PMEL: variants seen among roughly 807,000 people sequenced by gnomAD.
The protein encoded by PMEL is premelanosome protein, also known as melanocyte protein PMEL.
In PMEL, 53 loss-of-function variants were observed where a neutral mutation model predicts 64.9. That is an observed-to-expected ratio of 0.82 (90% CI 0.66 to 1.03). PMEL has a LOEUF of 1.03. PMEL is among the 50% of genes least tolerant of loss of function. The pLI, the probability that PMEL is intolerant of heterozygous loss-of-function variation, is 0.00. For synonymous variants in PMEL, 299 were observed against 316.2 expected, an observed-to-expected ratio of 0.95 and a Z score of 0.58; for missense variants, 716 against 814.9, an observed-to-expected ratio of 0.88 and a Z score of 1.48.
At chr12:55,963,152 G>A (rs1017522540) in intron 1 of PMEL, among the ~76,000 whole-genome samples, 23 of 150,026 alleles carry the variant, frequency 1.5e-4, no homozygotes, top group East Asian at 2.0e-4. Context: ...GCAAGACTCC[G>A]TCTCAAAAAA....
intron 4 of PMEL, 76 bp downstream of exon 4, chr12:55,958,397 C>T (rs61956436): frequency 0.011 from 15,734 of 1,429,838 alleles, 130 homozygotes; most frequent in Non-Finnish European, 0.014. Context: ...GTGGAAGGGG[C>T]GGCCAAAAGA....
chr12:55,958,788 A>T (rs1592769659), intron 3 of PMEL, 181 bp from the exon 4 acceptor site: 1 of 519,210 alleles, frequency 1.9e-6, no homozygotes, highest in East Asian at 3.5e-5. Flanking sequence ...TGGAAACTAC[A>T]TTTTTTTTTT....
At chr12:55,962,114 G>A (rs2136447470) in intron 1 of PMEL, among the ~76,000 whole-genome samples, 1 of 152,050 alleles carries the variant, frequency 6.6e-6, no homozygotes, top group Middle Eastern at 3.4e-3. Context: ...GGGATTACAG[G>A]CGTGAGCCAC....
chr12:55,955,278 A>G lies in PMEL; in HGVS notation c.1846T>C (p.Tyr616His). 6.2e-7 allele frequency: 1 copy of G among 1,605,174 alleles called. No homozygotes were observed. The highest frequency in any genetic ancestry group is 8.5e-7 in the Non-Finnish European group (1 of 1,171,776). ...LMAVVLASLI[Y>H]RRRLMKQDFS... ...GCTGTGTGATGAGGCCCTTACCTAT[A>G]TATCAGAGATGCAAGGACCACAGCC... Residue 616 changes from tyrosine to histidine, a missense_variant, in exon 10 of 11, where the codon TAT becomes CAT. By Grantham distance (83) the Tyr-to-His change is moderately conservative. Coordinates refer to ENST00000548747, the MANE Select transcript of PMEL (RefSeq NM_001384361.1).
At position 55,957,278 on chromosome 12, in the gene PMEL, G is replaced by A. The variant is rs1400982768; in HGVS notation, c.1025C>T (p.Thr342Ile). 2 of 1,612,832 alleles carry A rather than the reference G, an allele frequency of 1.2e-6. No homozygotes were observed. The highest frequency in any genetic ancestry group is 2.7e-5 in the African/African-American group (2 of 74,894). The change falls in exon 6 of 11, where the codon ACT becomes ATT. Residue 342 changes from threonine (T) to isoleucine (I), a missense_variant. Transcript: ENST00000548747. ...VVGTTPGQAP[T>I]AEPSGTTSVQ... The stretch of plus-strand genomic sequence containing the variant: ...AGATGTGGTTCCAGAGGGCTCTGCA[G>A]TTGGCGCCTGACCAGGTGTAGTACC...
rs759100103 is a variant in PMEL, at chr12:55,966,032, C to T, written c.-21G>A. On this transcript the variant is annotated 5_prime_UTR_variant, in exon 1 of 11. Transcript: ENST00000548747. ...TCCATTGTGTTCTTCCCTCCAGCAACCAAAGGCACTGGGGGGACTGGGATA... is the reference window on the plus strand; with the variant it reads ...TCCATTGTGTTCTTCCCTCCAGCAATCAAAGGCACTGGGGGGACTGGGATA... 1 of 1,614,210 alleles carries T rather than the reference C, an allele frequency of 6.2e-7. No homozygotes were observed. The highest frequency in any genetic ancestry group is 8.5e-7 in the Non-Finnish European group (1 of 1,180,020).
intron 1 of PMEL, among the ~76,000 whole-genome samples, chr12:55,963,943 A>C (rs1285913316): frequency 7.0e-6 from 1 of 142,148 alleles, no homozygotes; most frequent in Non-Finnish European, 1.5e-5. Context: ...CCCTCACCCC[A>C]TTTTTCCCTT....
chr12:55,965,567 C>T (rs996149593), intron 1 of PMEL, among the ~76,000 whole-genome samples: 1 of 152,098 alleles, frequency 6.6e-6, no homozygotes, highest in African/African-American at 2.4e-5. Flanking sequence ...CCTTAGTGTT[C>T]TTACCCAATA....
At chr12:55,955,721 C>G in intron 8 of PMEL, 52 bp from the exon 9 acceptor site, 1 of 1,608,434 alleles carries the variant, frequency 6.2e-7, no homozygotes, top group Non-Finnish European at 8.5e-7. Flanking sequence ...ACACTAAATG[C>G]CAGAGAGCGG....
In PMEL at chr12:55,957,188, G is replaced by A. The variant is rs1888916957; in HGVS notation, c.1115C>T (p.Thr372Ile). Residue 372 changes from threonine to isoleucine, a missense_variant, in exon 6 of 11, where the codon ACA becomes ATA. By Grantham distance (89) the Thr-to-Ile change is moderately conservative. Coordinates refer to ENST00000548747, the MANE Select transcript of PMEL (RefSeq NM_001384361.1). ...APVQMPTAES[T>I]GMTPEKVPVS... ...TGGCACCTTCTCAGGTGTCATACCT[G>A]TGCTCTCTGCAGTTGGCATCTGCAC... 3.7e-6 allele frequency: 6 copies of A among 1,614,084 alleles called. No homozygotes were observed. Among genetic ancestry groups the A allele is most frequent in the Non-Finnish European group, 4.2e-6 (5 of 1,180,042 alleles).
upstream of PMEL, chr12:55,966,121 C>CT (rs1289217510): frequency 1.7e-5 from 27 of 1,564,814 alleles, no homozygotes; most frequent in Admixed American, 3.7e-5. Flanking sequence ...CAGAGAAGGC[C>CT]TGGGAGGGGC....
chr12:55,962,124 C>T (rs910321400), intron 1 of PMEL, among the ~76,000 whole-genome samples: 3 of 151,982 alleles, frequency 2.0e-5, no homozygotes, highest in Admixed American at 6.5e-5. Context: ...GCGTGAGCCA[C>T]TGCGCCCGGC....
At chr12:55,958,222 T>C in intron 4 of PMEL, 138 bp from the exon 5 acceptor site, 1 of 941,656 alleles carries the variant, frequency 1.1e-6, no homozygotes. Flanking sequence ...GGCTGTGATA[T>C]GGGGGGACAG....
rs1246622199 is a variant in PMEL at position 55,956,207 on chromosome 12, G to C, written c.1367C>G (p.Pro456Arg). The C allele has an allele frequency of 6.2e-7, 1 of 1,612,400 alleles. No individual in the cohort carries two copies. The highest frequency in any genetic ancestry group is 2.2e-5 in the East Asian group (1 of 44,896). Residue 456 changes from proline to arginine, a missense_variant, in exon 7 of 11, where the codon CCC (proline) becomes CGC (arginine). Pro to Arg is a moderately radical substitution (Grantham distance 103). Transcript: ENST00000548747. ...STESITGSLGPLLDGTATLRL... is the reference protein window; with the variant it reads ...STESITGSLGRLLDGTATLRL... Reference sequence around the variant, plus strand: ...TAAGGTGGCTGTACCATCCAGCAGGGGGCCCAGGGAACCTGGCAGGAGAGG... The same window carrying C: ...TAAGGTGGCTGTACCATCCAGCAGGCGGCCCAGGGAACCTGGCAGGAGAGG...
At chr12:55,956,688 G>A (rs1006038103) in intron 6 of PMEL, 1 of 454,418 alleles carries the variant, frequency 2.2e-6, no homozygotes, top group African/African-American at 1.9e-5. Flanking sequence ...CTGTTCCCTG[G>A]TCTCGCCAAC....
In PMEL at chr12:55,958,068, A is replaced by C. The variant is rs559670187; in HGVS notation, c.486T>G (p.Val162=). Residue 162 remains valine, a synonymous_variant, in exon 5 of 11, where the codon GTT becomes GTG. Coordinates refer to ENST00000548747, the MANE Select transcript of PMEL (RefSeq NM_001384361.1). The part of the protein sequence containing the change: ...VWKTWGQYWQ[V]LGGPVSGLSI... ...TCAGCCCAGACACTGGGCCCCCTAGAACTTGCCAGTATTGGCCTGAAGTTT... is the reference window on the plus strand; with the variant it reads ...TCAGCCCAGACACTGGGCCCCCTAGCACTTGCCAGTATTGGCCTGAAGTTT... 5.0e-6 allele frequency: 8 copies of C among 1,613,904 alleles called. No individual in the cohort carries two copies. The highest frequency in any genetic ancestry group is 6.8e-6 in the Non-Finnish European group (8 of 1,179,984).
intron 4 of PMEL, 92 bp from the exon 5 acceptor site, chr12:55,958,176 G>A (rs1592768799): frequency 7.6e-7 from 1 of 1,323,632 alleles, no homozygotes; most frequent in East Asian, 2.3e-5. Flanking sequence ...GAGATGGGAG[G>A]TCAGGAAGTA....
chr12:55,954,367 G>A lies in PMEL; in HGVS notation c.1851-18C>T. 1 of 1,613,712 alleles carries A rather than the reference G, an allele frequency of 6.2e-7. No homozygotes were observed. The highest frequency in any genetic ancestry group is 8.5e-7 in the Non-Finnish European group (1 of 1,179,794). On this transcript the variant is annotated intron_variant, in intron 10 of 10. Transcript: ENST00000548747. ...GTCTGCGCCTGATATTGGGAGAAGG[G>A]GTAAACTGGTTAGCAATGGACAAAG...
chr12:55,960,542 T>TG (rs1889063453), intron 3 of PMEL, among the ~76,000 whole-genome samples: 1 of 136,354 alleles, frequency 7.3e-6, no homozygotes, highest in South Asian at 2.4e-4. Context: ...TTTCTGTTTT[T>TG]TTTTTTTTTT....
Sources: allele counts gnomAD v4.1 joint callset (sites outside exome capture counted in the v4.1 genomes callset), GRCh38; gene constraint gnomAD v4.1.1; transcripts MANE v1.5; gene names NCBI Gene and HGNC (gene_info 2026-07-23, HGNC 2026-07-21).